ZNF490: variants seen among roughly 807,000 people sequenced by gnomAD.
ZNF490 encodes zinc finger protein 490.
Under a neutral mutation model 17.7 loss-of-function variants are expected in ZNF490, and 11 were observed. The ratio of observed to expected loss-of-function variants is 0.62; its 90% confidence interval spans 0.39 to 1.03. The LOEUF (loss-of-function observed/expected upper bound fraction) is 1.03, where lower values mean the gene tolerates loss of function less well. ZNF490 is among the 50% of genes least tolerant of loss of function. The pLI, the probability that ZNF490 is intolerant of heterozygous loss-of-function variation, is 0.00. For synonymous variants in ZNF490, 222 were observed against 216.1 expected, an observed-to-expected ratio of 1.03 and a Z score of -0.24; for missense variants, 542 against 643.4, an observed-to-expected ratio of 0.84 and a Z score of 1.71.
rs755960519 is a variant in ZNF490 at position 12,580,453 on chromosome 19, T to C, written c.*32A>G. On this transcript the variant is annotated 3_prime_UTR_variant, in exon 5 of 5. Transcript: ENST00000311437. Reference sequence around the variant, plus strand: ...CTCTCATACATCCAAAAGGAACTAATACAACTGACAGCATTACCACACTTT... The same window carrying C: ...CTCTCATACATCCAAAAGGAACTAACACAACTGACAGCATTACCACACTTT... 43 of 1,543,988 alleles carry C rather than the reference T, an allele frequency of 2.8e-5. 1 individual carries two copies. The South Asian group carries it at 5.1e-4, about 18-fold the overall frequency.
Position 12,580,566 on chromosome 19 carries a change from C to T in ZNF490, c.1509G>A (p.Gln503=). Reference sequence around the variant, plus strand: ...TGAAGGCTTTACCACATTGTCTACACTGAAAGGGTCTTTCTCCAGTATGAA... The same window carrying T: ...TGAAGGCTTTACCACATTGTCTACATTGAAAGGGTCTTTCTCCAGTATGAA... ...KRIHTGERPF[Q]CRQCGKAFSY... is the part of the protein sequence containing the mutation. The change falls in exon 5 of 5, where the codon CAG becomes CAA. Residue 503 remains glutamine (Q), a synonymous_variant. Transcript: ENST00000311437. 1.9e-6 allele frequency: 3 copies of T among 1,613,902 alleles called. No homozygotes were observed. The highest frequency in any genetic ancestry group is 2.5e-6 in the Non-Finnish European group (3 of 1,179,934).
chr19:12,583,328 C>G, intron 3 of ZNF490, 102 bp downstream of exon 3: 1 of 1,373,670 alleles, frequency 7.3e-7, no homozygotes, highest in Non-Finnish European at 9.7e-7. Flanking sequence ...CGCGAGCCAC[C>G]GTGCCTGGCC....
intron 2 of ZNF490, among the ~76,000 whole-genome samples, chr19:12,589,339 A>G (rs2022838083): frequency 6.6e-6 from 1 of 152,172 alleles, no homozygotes; most frequent in African/African-American, 2.4e-5. Flanking sequence ...CCTGGGTGAC[A>G]GAGCGAGACT....
Position 12,581,712 on chromosome 19 carries a change from A to T in ZNF490, c.363T>A (p.Val121=). 6.2e-7 allele frequency: 1 copy of T among 1,609,448 alleles called. No homozygotes were observed. The highest frequency in any genetic ancestry group is 8.5e-7 in the Non-Finnish European group (1 of 1,177,414). ...NQGRNLRSPM[V]EALCENKEDC... ...CTTCTTTATTTTCACAGAGTGCTTCAACCATAGGACTTCTGTAAAGAATGA... is the reference window on the plus strand; with the variant it reads ...CTTCTTTATTTTCACAGAGTGCTTCTACCATAGGACTTCTGTAAAGAATGA... Residue 121 remains valine, a synonymous_variant, in exon 5 of 5, where the codon GTT becomes GTA. Coordinates refer to ENST00000311437, the MANE Select transcript of ZNF490 (RefSeq NM_020714.3).
intron 2 of ZNF490, among the ~76,000 whole-genome samples, chr19:12,602,093 C>CAA (rs2023014218): frequency 6.8e-6 from 1 of 147,808 alleles, no homozygotes; most frequent in Non-Finnish European, 1.5e-5. Flanking sequence ...CACACACACA[C>CAA]ACACACACAC....
At position 12,582,802 on chromosome 19, in the gene ZNF490, ACTAAGATT is replaced by A. The variant is rs758857252; in HGVS notation, c.350+40_350+47del. On this transcript the variant is annotated intron_variant, in intron 4 of 4. Transcript: ENST00000311437. ...GCTTGGCTTTTGAAATTTATGAAAT[ACTAAGATT>A]CTCTCAGGGGCTATATAATTATTTG... The A allele has an allele frequency of 4.8e-5, 67 of 1,394,972 alleles. No individual in the cohort carries two copies. In the South Asian group the frequency reaches 7.9e-4, roughly 16 times the overall value. 86.4% of individuals were successfully genotyped at this position (1,394,972 alleles called of 1,614,324 possible).
chr19:12,585,583 T>C (rs1294853668), intron 2 of ZNF490, among the ~76,000 whole-genome samples: 1 of 93,788 alleles, frequency 1.1e-5, no homozygotes, highest in South Asian at 2.8e-4. Flanking sequence ...GTCTTTCTTA[T>C]CATAGCAAAG....
intron 2 of ZNF490, among the ~76,000 whole-genome samples, chr19:12,602,125 C>CACAT (rs751170386): frequency 2.7e-4 from 39 of 147,110 alleles, no homozygotes; most frequent in Admixed American, 2.2e-3. Flanking sequence ...CACACACACA[C>CACAT]ACATATATGG....
intron 2 of ZNF490, among the ~76,000 whole-genome samples, chr19:12,589,552 G>C (rs965160580): frequency 2.0e-5 from 3 of 147,872 alleles, no homozygotes; most frequent in African/African-American, 7.5e-5. Flanking sequence ...GGAATAGAAG[G>C]GAATTTCTTC....
Position 12,584,698 on chromosome 19 carries a change from CTG to C in ZNF490, c.163-1144_163-1143del, listed in dbSNP as rs1381574702. Among the ~76,000 whole-genome samples, 5 of 93,790 alleles carry C rather than the reference CTG, an allele frequency of 5.3e-5. 2 individuals are homozygous for C. Among genetic ancestry groups the C allele is most frequent in the Non-Finnish European group, 8.6e-5 (3 of 34,890 alleles). 61.5% of individuals were successfully genotyped at this position (93,790 alleles called of 152,430 possible). A position where few individuals can be genotyped will look rare whatever the true frequency, so the allele number is the denominator to read the frequency against. On this transcript the variant is annotated intron_variant, in intron 2 of 4. Coordinates refer to ENST00000311437, the MANE Select transcript of ZNF490 (RefSeq NM_020714.3). ...CACATCTCCCATTGAGGATGAAAAACTGTGTATTTTTCTTTTTCATAAACAAC... is the reference window on the plus strand; with the variant it reads ...CACATCTCCCATTGAGGATGAAAAACTGTATTTTTCTTTTTCATAAACAAC...
chr19:12,596,976 G>A (rs1255512915), intron 2 of ZNF490, among the ~76,000 whole-genome samples: 1 of 152,168 alleles, frequency 6.6e-6, no homozygotes. Flanking sequence ...CTCCGGGGCC[G>A]GGGCCGCAAT....
intron 2 of ZNF490, among the ~76,000 whole-genome samples, chr19:12,598,300 A>G (rs2022959327): frequency 6.6e-6 from 1 of 152,174 alleles, no homozygotes; most frequent in South Asian, 2.1e-4. Context: ...TGGTTTAGAC[A>G]CTTAGAAATG....
At chr19:12,598,460 C>T (rs56381086) in intron 2 of ZNF490, among the ~76,000 whole-genome samples, 5 of 150,610 alleles carry the variant, frequency 3.3e-5, no homozygotes, top group South Asian at 2.1e-4. Context: ...CCGCAACCTC[C>T]GCCTCCCGGG....
intron 2 of ZNF490, chr19:12,597,270 C>T (rs1482609917): frequency 4.5e-6 from 2 of 445,978 alleles, no homozygotes; most frequent in Admixed American, 2.4e-5. Context: ...GCAATCCTAG[C>T]GAACCGCTAG....
At position 12,578,661 on chromosome 19, in the gene ZNF490, A is replaced by G. The variant is rs1599303097; in HGVS notation, c.*1824T>C. 20 of 985,482 alleles carry G rather than the reference A, an allele frequency of 2.0e-5. No homozygotes were observed. The highest frequency in any genetic ancestry group is 2.3e-5 in the Non-Finnish European group (19 of 829,964). The allele number at this position is 985,482 out of a possible 1,614,324, so 61.0% of individuals were successfully genotyped here. On this transcript the variant is annotated 3_prime_UTR_variant, in exon 5 of 5. Coordinates refer to ENST00000311437, the MANE Select transcript of ZNF490 (RefSeq NM_020714.3). ...ATGCGAACCTTTGTCTTAGAAGTACAGCATTCCCACAGTCTGACCCGAGGA... is the reference window on the plus strand; with the variant it reads ...ATGCGAACCTTTGTCTTAGAAGTACGGCATTCCCACAGTCTGACCCGAGGA...
rs1479846285 is a variant in ZNF490, at chr19:12,577,177, A to C, written c.*3308T>G. Among the ~76,000 whole-genome samples the C allele has an allele frequency of 6.6e-6, 1 of 152,194 alleles. No homozygotes were observed. Among genetic ancestry groups the C allele is most frequent in the African/African-American group, 2.4e-5 (1 of 41,446 alleles). On this transcript the variant is annotated 3_prime_UTR_variant, in exon 5 of 5. Coordinates refer to ENST00000311437, the MANE Select transcript of ZNF490 (RefSeq NM_020714.3). Reference sequence around the variant, plus strand: ...CTACACCTATTAGAGGGAGTTACACAGAGGAAAATACTTACTGAATATTAG... The same window carrying C: ...CTACACCTATTAGAGGGAGTTACACCGAGGAAAATACTTACTGAATATTAG...
chr19:12,592,899 G>A (rs2022889278), intron 2 of ZNF490, among the ~76,000 whole-genome samples: 1 of 152,186 alleles, frequency 6.6e-6, no homozygotes, highest in Non-Finnish European at 1.5e-5. Flanking sequence ...AAAACGATGA[G>A]GACAGGCTAA....
chr19:12,595,993 A>G (rs2022928225), intron 2 of ZNF490, among the ~76,000 whole-genome samples: 1 of 150,812 alleles, frequency 6.6e-6, no homozygotes, highest in Non-Finnish European at 1.5e-5. Context: ...GGGCCAGCGC[A>G]GCAGCTCACA....
At position 12,602,127 on chromosome 19, in the gene ZNF490, CATAT is replaced by C. The variant is rs1555701461; in HGVS notation, c.162+7027_162+7030del. On this transcript the variant is annotated intron_variant, in intron 2 of 4. Transcript: ENST00000311437. ...ACACACACACACACACACACACACACATATATGGGCCTATTTCTGGAATTTCAAT... is the reference window on the plus strand; with the variant it reads ...ACACACACACACACACACACACACACATGGGCCTATTTCTGGAATTTCAAT... 1.4e-3 allele frequency among the ~76,000 whole-genome samples: 205 copies of C among 141,986 alleles called. 4 individuals carry two copies. Among genetic ancestry groups the C allele is most frequent in the Admixed American group, 0.014 (197 of 14,078 alleles). 93.1% of individuals were successfully genotyped at this position (141,986 alleles called of 152,430 possible). A position where few individuals can be genotyped will look rare whatever the true frequency, so the allele number is the denominator to read the frequency against.
Sources: allele counts gnomAD v4.1 joint callset (sites outside exome capture counted in the v4.1 genomes callset), GRCh38; gene constraint gnomAD v4.1.1; transcripts MANE v1.5; gene names NCBI Gene and HGNC (gene_info 2026-07-23, HGNC 2026-07-21).